Variants in NF2 observed in about 807,000 individuals in gnomAD.
NF2 encodes merlin.
Under a neutral mutation model 83.7 loss-of-function variants are expected in NF2, and 8 were observed. The observed-to-expected ratio is 0.10, with a 90% CI of 0.06 to 0.17. The LOEUF is 0.17. NF2 is among the 10% of genes least tolerant of loss of function. The pLI, the probability that NF2 is intolerant of heterozygous loss-of-function variation, is 1.00. For synonymous variants in NF2, 266 were observed against 269.6 expected (o/e 0.99, Z 0.13); for missense variants, 533 against 744.4 (o/e 0.72, Z 3.31).
In NF2 at chr22:29,695,505, GA is replaced by G. The variant is rs567370520; in HGVS notation, c.*704del. On this transcript the variant is annotated 3_prime_UTR_variant, in exon 16 of 16. Coordinates refer to ENST00000338641, the MANE Select transcript of NF2 (RefSeq NM_000268.4). The surrounding 1 kb of genome is among the most constrained non-coding windows in gnomAD (Gnocchi z 5.4). ...GGCTGGGTAGTGCCGTGCGGGAGCT[GA>G]TGGTACAGGGCACTCGCTGTCCCCC... 28 of 244,034 alleles carry G rather than the reference GA, an allele frequency of 1.1e-4. No individual in the cohort carries two copies. The highest frequency in any genetic ancestry group is 1.3e-3 in the Middle Eastern group (1 of 800). The allele number at this position is 244,034 out of a possible 1,614,324, so 15.1% of individuals were successfully genotyped here. A position where few individuals can be genotyped will look rare whatever the true frequency, so the allele number is the denominator to read the frequency against.
chr22:29,671,400 G>A (rs1000295988), intron 10 of NF2, among the ~76,000 whole-genome samples: 20 of 152,086 alleles, frequency 1.3e-4, no homozygotes, highest in Admixed American at 4.6e-4. Flanking sequence ...ATGGTGGCGG[G>A]TGCCTATAGT....
rs1601648289 is a variant in NF2, at chr22:29,673,328, G to A, written c.1182G>A (p.Glu394=). The change falls in exon 12 of 16, where the codon GAG becomes GAA. Residue 394 remains glutamate, a synonymous_variant. Coordinates refer to ENST00000338641, the MANE Select transcript of NF2 (RefSeq NM_000268.4). ...AAAAGGCCCAGATCACCGAGGAGGA[G>A]GCAAAACTTCTGGCCCAGAAGGCCG... ...LAEKAQITEE[E]AKLLAQKAAE... is the part of the protein sequence containing the mutation. The A allele has an allele frequency of 6.2e-7, 1 of 1,601,180 alleles. No individual in the cohort carries two copies. Among genetic ancestry groups the A allele is most frequent in the African/African-American group, 1.3e-5 (1 of 75,010 alleles).
intron 1 of NF2, among the ~76,000 whole-genome samples, chr22:29,624,897 T>TTCTTTCTCTCTCTCTCTCTCTC (rs2065320059): frequency 1.3e-5 from 2 of 148,832 alleles, no homozygotes; most frequent in East Asian, 3.9e-4. Flanking sequence ...TGTCTCTCTC[T>TTCTTTCTCTCTCTCTCTCTCTC]TCTTTCTCTC....
chr22:29,644,913 AAG>A (rs1491158370), intron 4 of NF2, among the ~76,000 whole-genome samples: 3 of 150,426 alleles, frequency 2.0e-5, no homozygotes, highest in Admixed American at 6.6e-5. Context: ...AGACCGTGGA[AAG>A]AGAGGGAGAG....
chr22:29,694,681 G>A lies in NF2; in HGVS notation c.1738-71G>A, dbSNP rs2067496137. 4 of 1,522,464 alleles carry A rather than the reference G, an allele frequency of 2.6e-6. No homozygotes were observed. Among genetic ancestry groups the A allele is most frequent in the East Asian group, 4.7e-5 (2 of 42,728 alleles). 94.3% of individuals were successfully genotyped at this position (1,522,464 alleles called of 1,614,324 possible). On this transcript the variant is annotated intron_variant, in intron 15 of 15. Coordinates refer to ENST00000338641, the MANE Select transcript of NF2 (RefSeq NM_000268.4). The surrounding 1 kb of genome is among the most constrained non-coding windows in gnomAD (Gnocchi z 4.1). ...AGCCACCTTTGAGGTGAGTCCAAGT[G>A]GCAGGACAGGACCCTGTGTGACAGA...
intron 1 of NF2, among the ~76,000 whole-genome samples, chr22:29,621,329 A>G (rs1365991380): frequency 6.6e-6 from 1 of 152,190 alleles, no homozygotes; most frequent in Non-Finnish European, 1.5e-5. Flanking sequence ...TCTGTTCCCT[A>G]ACTGTAAAAT....
rs187607171 is a variant in NF2, at chr22:29,655,965, G to A, written c.599+289G>A. Among the ~76,000 whole-genome samples, 516 of 150,386 alleles carry A rather than the reference G, an allele frequency of 3.4e-3. 7 individuals carry two copies. Among genetic ancestry groups the A allele is most frequent in the African/African-American group, 0.012 (491 of 40,872 alleles). On this transcript the variant is annotated intron_variant, in intron 6 of 15. Coordinates refer to ENST00000338641, the MANE Select transcript of NF2 (RefSeq NM_000268.4). ...GATTTTTTTTTTTTTTTGAGACAGA[G>A]TCTTGCTCTGTTGTCCAGGCTGAAA...
chr22:29,661,880 T>C (rs1198455523), intron 8 of NF2, among the ~76,000 whole-genome samples: 1 of 152,216 alleles, frequency 6.6e-6, no homozygotes, highest in Admixed American at 6.5e-5. Context: ...CATATACACA[T>C]ATGGACATAT....
intron 15 of NF2, among the ~76,000 whole-genome samples, chr22:29,689,666 C>A (rs2283863): frequency 1.3e-5 from 2 of 151,850 alleles, no homozygotes; most frequent in Non-Finnish European, 2.9e-5. Context: ...GGCAAGGCCC[C>A]CAGAGACTAG....
chr22:29,658,307 A>G (rs1470073163), intron 7 of NF2, 43 bp downstream of exon 7: 3 of 1,544,902 alleles, frequency 1.9e-6, no homozygotes, highest in Non-Finnish European at 1.8e-6. Flanking sequence ...GTAGACAGAG[A>G]CTGAGTGAGG....
intron 3 of NF2, among the ~76,000 whole-genome samples, chr22:29,641,989 T>A (rs1296802091): frequency 6.6e-6 from 1 of 151,644 alleles, no homozygotes; most frequent in African/African-American, 2.4e-5. Context: ...AGATAAGGGG[T>A]TTTTATGCAT....
In NF2 at chr22:29,638,349, A is replaced by AT. The variant is rs766276794; in HGVS notation, c.241-723dup. ...ATCTAGTTCATCATCTCTAAGCTGT[A>AT]TTTTTTTTTTTTTTTTTTAAGACAG... On this transcript the variant is annotated intron_variant, in intron 2 of 15. Transcript: ENST00000338641. Among the ~76,000 whole-genome samples, 563 of 130,130 alleles carry AT rather than the reference A, an allele frequency of 4.3e-3. 1 individual carries two copies. The highest frequency in any genetic ancestry group is 9.2e-3 in the East Asian group (41 of 4,452). 85.4% of individuals were successfully genotyped at this position (130,130 alleles called of 152,430 possible).
At chr22:29,672,727 T>G (rs2066837439) in intron 11 of NF2, among the ~76,000 whole-genome samples, 1 of 151,924 alleles carries the variant, frequency 6.6e-6, no homozygotes, top group Non-Finnish European at 1.5e-5. Context: ...GCGATTCTCC[T>G]GCCTCAGCCT....
chr22:29,694,774 C>T lies in NF2; in HGVS notation c.1760C>T (p.Ser587Phe), dbSNP rs761191666. The change falls in exon 16 of 16, where the codon TCC (serine) becomes TTC (phenylalanine). Residue 587 changes from serine to phenylalanine, a missense_variant. By Grantham distance (155) the Ser-to-Phe change is radical. This residue lies in a region of NF2 where 199 missense variants were observed against 240.7 expected (regional missense o/e 0.83). Coordinates refer to ENST00000338641, the MANE Select transcript of NF2 (RefSeq NM_000268.4). This position sits in a 1 kb window ranked among gnomAD's most constrained non-coding sequence, Gnocchi z 4.1. ...CAGCTCACCTTGCAGAGCGCCAAGT[C>T]CCGAGTGGCCTTCTTTGAAGAGCTC... ...IKKLTLQSAK[S>F]RVAFFEEL The T allele has an allele frequency of 6.2e-7, 1 of 1,613,844 alleles. No individual in the cohort carries two copies. The highest frequency in any genetic ancestry group is 2.2e-5 in the East Asian group (1 of 44,860).
chr22:29,694,760 G>T lies in NF2; in HGVS notation c.1746G>T (p.Leu582Phe). The change falls in exon 16 of 16, where the codon TTG becomes TTT. Residue 582 changes from leucine (L) to phenylalanine (F), a missense_variant. This residue lies in a region of NF2 where 199 missense variants were observed against 240.7 expected (regional missense o/e 0.83). Transcript: ENST00000338641. The surrounding 1 kb of genome is among the most constrained non-coding windows in gnomAD (Gnocchi z 4.1). ...TCTCTGCTTTCTTACAGCTCACCTT[G>T]CAGAGCGCCAAGTCCCGAGTGGCCT... Reference protein sequence around the residue: ...SKHNTIKKLTLQSAKSRVAFF... With the variant: ...SKHNTIKKLTFQSAKSRVAFF... 6.2e-7 allele frequency: 1 copy of T among 1,613,840 alleles called. No homozygotes were observed. The highest frequency in any genetic ancestry group is 1.7e-4 in the Middle Eastern group (1 of 6,060).
chr22:29,644,659 C>CT (rs1304791901), intron 4 of NF2, among the ~76,000 whole-genome samples: 2 of 152,232 alleles, frequency 1.3e-5, no homozygotes, highest in African/African-American at 4.8e-5. Context: ...GAGACTCCGT[C>CT]TGCAATCCCG....
chr22:29,696,896 A>C lies in NF2; in HGVS notation c.*2094A>C, dbSNP rs1354508957. On this transcript the variant is annotated 3_prime_UTR_variant, in exon 16 of 16. Coordinates refer to ENST00000338641, the MANE Select transcript of NF2 (RefSeq NM_000268.4). ...CAGTGTCACGATCTCAGCTCACTGC[A>C]ACCTCCGCCTCCCAGGTACAAGAGA... 5.6e-6 allele frequency: 1 copy of C among 177,490 alleles called. No homozygotes were observed. Among genetic ancestry groups the C allele is most frequent in the Non-Finnish European group, 1.2e-5 (1 of 84,726 alleles). 11.0% of individuals were successfully genotyped at this position (177,490 alleles called of 1,614,324 possible).
At chr22:29,608,315 G>A (rs953547560) in intron 1 of NF2, among the ~76,000 whole-genome samples, 1 of 147,422 alleles carries the variant, frequency 6.8e-6, no homozygotes, top group Non-Finnish European at 1.5e-5. Context: ...GTCTCGCTCT[G>A]TTGCCTAGGC....
At chr22:29,652,582 T>C (rs2079648) in intron 4 of NF2, among the ~76,000 whole-genome samples, 132,126 of 152,246 alleles carry the variant, frequency 0.87, 57,436 homozygotes, top group East Asian at 0.94. Context: ...GGATTACAGG[T>C]GTGAGCCACC....
Sources: allele counts gnomAD v4.1 joint callset (sites outside exome capture counted in the v4.1 genomes callset), GRCh38; gene constraint gnomAD v4.1.1; regional missense constraint gnomAD v4.1.1; non-coding constraint Gnocchi (gnomAD v3.1); transcripts MANE v1.5; gene names NCBI Gene and HGNC (gene_info 2026-07-23, HGNC 2026-07-21).